Variants in PIK3C2B observed in about 807,000 individuals in gnomAD.
PIK3C2B encodes phosphatidylinositol-4-phosphate 3-kinase catalytic subunit type 2 beta.
A neutral mutation model predicts 184.3 loss-of-function variants in PIK3C2B; 83 were observed. The ratio of observed to expected loss-of-function variants is 0.45; its 90% CI spans 0.38 to 0.54. The LOEUF (loss-of-function observed/expected upper bound fraction) is 0.54, where lower values mean the gene tolerates loss of function less well. Among genes scored for constraint, PIK3C2B ranks in the 20% least tolerant of loss-of-function variants. The pLI, the probability that PIK3C2B is intolerant of heterozygous loss-of-function variation, is 0.00. For missense variants in PIK3C2B, 1,736 were observed against 2,113.5 expected, an observed-to-expected ratio of 0.82 and a Z score of 3.50; for synonymous variants, 779 against 837.6, an observed-to-expected ratio of 0.93 and a Z score of 1.21.
chr1:204,464,771 G>A (rs778613732), intron 3 of PIK3C2B, among the ~76,000 whole-genome samples, 167 bp from the exon 4 acceptor site: 61 of 152,298 alleles, frequency 4.0e-4, no homozygotes, highest in Non-Finnish European at 5.7e-4. Context: ...GCAGCTCTGA[G>A]AAACCCCCTT....
intron 4 of PIK3C2B, 127 bp downstream of exon 4, chr1:204,464,323 C>T (rs919536238): frequency 7.1e-6 from 8 of 1,130,224 alleles, no homozygotes; most frequent in Middle Eastern, 3.0e-4. Context: ...CAGCCCCTCA[C>T]CCCCAAAGGA....
chr1:204,468,949 G>A lies in PIK3C2B; in HGVS notation c.854C>T (p.Pro285Leu). Residue 285 changes from proline to leucine, a missense_variant, in exon 2 of 33, where the codon CCC becomes CTC. Pro to Leu is a moderately conservative substitution (Grantham distance 98, BLOSUM62 -3). Coordinates refer to ENST00000684373, the MANE Select transcript of PIK3C2B (RefSeq NM_001377334.1). ...ARSKTMPPQV[P>L]PRTYASRYGN... ...ATAGCGGGAGGCATAGGTGCGGGGG[G>A]GCACCTGAGGGGGCATAGTCTTGCT... 1 of 1,614,008 alleles carries A rather than the reference G, an allele frequency of 6.2e-7. No homozygotes were observed. The highest frequency in any genetic ancestry group is 8.5e-7 in the Non-Finnish European group (1 of 1,179,902).
chr1:204,469,433 A>G lies in PIK3C2B; in HGVS notation c.370T>C (p.Ser124Pro), dbSNP rs1656110913. 6.4e-7 allele frequency: 1 copy of G among 1,568,358 alleles called. No individual in the cohort carries two copies. Among genetic ancestry groups the G allele is most frequent in the African/African-American group, 1.4e-5 (1 of 73,576 alleles). ...GSDPWPKGSL[S>P]GDYLYIFDGS... ...TCAAAAATGTAGAGATAGTCTCCAG[A>G]CAGGGAGCCTTTGGGCCAGGGATCT... Residue 124 changes from serine to proline, a missense_variant, in exon 2 of 33, where the codon TCT becomes CCT. Around this residue, in one of 8 missense-constraint regions of PIK3C2B, gnomAD observed 404 missense variants for 418.0 expected, o/e 0.97. Coordinates refer to ENST00000684373, the MANE Select transcript of PIK3C2B (RefSeq NM_001377334.1).
At chr1:204,493,054 C>G (rs933549449) in intron 1 of PIK3C2B, among the ~76,000 whole-genome samples, 2 of 152,190 alleles carry the variant, frequency 1.3e-5, no homozygotes, top group African/African-American at 4.8e-5. Context: ...TGCCTGTCTG[C>G]TCTGGGATCG....
chr1:204,434,326 G>A lies in PIK3C2B; in HGVS notation c.3686+113C>T, dbSNP rs895971137. On this transcript the variant is annotated intron_variant, in intron 24 of 32. Transcript: ENST00000684373. ...CTCCTCCAATGCTGCTCAGCCCTGGGACCATGATCTGAGGCCCAGCTGCTT... is the reference window on the plus strand; with the variant it reads ...CTCCTCCAATGCTGCTCAGCCCTGGAACCATGATCTGAGGCCCAGCTGCTT... 11 of 923,612 alleles carry A rather than the reference G, an allele frequency of 1.2e-5. No homozygotes were observed. The Admixed American group carries it at 2.4e-4, about 20-fold the overall frequency. 57.2% of individuals were successfully genotyped at this position (923,612 alleles called of 1,614,324 possible).
intron 8 of PIK3C2B, 139 bp downstream of exon 8, chr1:204,459,739 G>C: frequency 2.8e-6 from 2 of 708,888 alleles, no homozygotes; most frequent in African/African-American, 3.5e-5. Flanking sequence ...ATGAGCGAGG[G>C]GTTAAAAAGA....
intron 14 of PIK3C2B, among the ~76,000 whole-genome samples, chr1:204,448,200 G>C (rs1458343735): frequency 6.6e-6 from 1 of 151,324 alleles, no homozygotes; most frequent in Non-Finnish European, 1.5e-5. Context: ...TGCAACCTCT[G>C]CCTCCCCGGT....
chr1:204,440,220 G>A lies in PIK3C2B; in HGVS notation c.3351C>T (p.Phe1117=), dbSNP rs1675575848. Residue 1117 remains phenylalanine (F), a synonymous_variant, in exon 22 of 33, where the codon TTC becomes TTT. Coordinates refer to ENST00000684373, the MANE Select transcript of PIK3C2B (RefSeq NM_001377334.1). ...QEGLDMRMVI[F]RCFSTGRGRG... ...TGCCCCGGCCGGTGGAGAAGCAGCG[G>A]AAGATGACCATGCGCATGTCCAGCC... 1 of 1,612,454 alleles carries A rather than the reference G, an allele frequency of 6.2e-7. No homozygotes were observed. Among genetic ancestry groups the A allele is most frequent in the South Asian group, 1.1e-5 (1 of 91,066 alleles).
At chr1:204,461,308 A>C (rs1655318270) in intron 5 of PIK3C2B, among the ~76,000 whole-genome samples, 1 of 152,216 alleles carries the variant, frequency 6.6e-6, no homozygotes, top group Admixed American at 6.5e-5. Context: ...TCAAGCACCC[A>C]TGTGTGAGAC....
Position 204,445,649 on chromosome 1 carries a change from TACAGTGATGGATAAATG to T in PIK3C2B, c.2678+290_2678+306del, listed in dbSNP as rs1455415714. Among the ~76,000 whole-genome samples, 12 of 144,254 alleles carry T rather than the reference TACAGTGATGGATAAATG, an allele frequency of 8.3e-5. No individual in the cohort carries two copies. In the East Asian group the frequency reaches 3.1e-3, roughly 37 times the overall value. 94.6% of individuals were successfully genotyped at this position (144,254 alleles called of 152,430 possible). ...AAAATAAGATGGATAGATGGATGGA[TACAGTGATGGATAAATG>T]AAATGTACACAATCCAGCACACAGA... On this transcript the variant is annotated intron_variant, in intron 16 of 32. Transcript: ENST00000684373.
intron 14 of PIK3C2B, 54 bp downstream of exon 14, chr1:204,449,131 G>A (rs1423538979): frequency 1.2e-5 from 15 of 1,233,836 alleles, no homozygotes; most frequent in Non-Finnish European, 1.8e-5. Context: ...GAAAAATGTA[G>A]AGTTGACTGG....
intron 5 of PIK3C2B, among the ~76,000 whole-genome samples, chr1:204,461,238 T>A (rs919206345): frequency 6.6e-6 from 1 of 152,236 alleles, no homozygotes; most frequent in Non-Finnish European, 1.5e-5. Context: ...TGCTTGTGAA[T>A]AACCTTACAA....
In PIK3C2B at chr1:204,431,577, T is replaced by G; in HGVS notation, c.4280+92A>C. On this transcript the variant is annotated intron_variant, in intron 28 of 32. Coordinates refer to ENST00000684373, the MANE Select transcript of PIK3C2B (RefSeq NM_001377334.1). ...GGCAGATGTTTAGTCCAAAAGGGTATTTTCTGCCCCTGCAGCCCTGACCAC... is the reference window on the plus strand; with the variant it reads ...GGCAGATGTTTAGTCCAAAAGGGTAGTTTCTGCCCCTGCAGCCCTGACCAC... 6 of 1,504,566 alleles carry G rather than the reference T, an allele frequency of 4.0e-6. No homozygotes were observed. The South Asian group carries it at 6.8e-5, about 17-fold the overall frequency. The allele number at this position is 1,504,566 out of a possible 1,614,324, so 93.2% of individuals were successfully genotyped here.
chr1:204,452,518 T>C (rs1490920630), intron 12 of PIK3C2B, among the ~76,000 whole-genome samples: 1 of 150,948 alleles, frequency 6.6e-6, no homozygotes, highest in African/African-American at 2.4e-5. Flanking sequence ...ACAGCAGCAG[T>C]AATTGTGACC....
intron 1 of PIK3C2B, among the ~76,000 whole-genome samples, chr1:204,479,635 T>C (rs1656974932): frequency 6.6e-6 from 1 of 152,250 alleles, no homozygotes; most frequent in Non-Finnish European, 1.5e-5. Flanking sequence ...ACAGTAGCTC[T>C]CTTTAGGCCT....
At chr1:204,451,245 C>A (rs1344975111) in intron 12 of PIK3C2B, among the ~76,000 whole-genome samples, 1 of 152,252 alleles carries the variant, frequency 6.6e-6, no homozygotes, top group Non-Finnish European at 1.5e-5. Flanking sequence ...AGAGAATCAG[C>A]TGACCCCATA....
In PIK3C2B at chr1:204,443,494, T is replaced by C; in HGVS notation, c.2971A>G (p.Asn991Asp). The C allele has an allele frequency of 1.2e-6, 2 of 1,614,218 alleles. No homozygotes were observed. The highest frequency in any genetic ancestry group is 1.7e-6 in the Non-Finnish European group (2 of 1,180,034). ...CCGKGLREEF[N>D]RQCWLVNALA... is the part of the protein sequence containing the mutation. ...GCATTGACAAGCCAGCACTGGCGGT[T>C]AAACTCTTCTCTCAGCCCCTTGCCA... The change falls in exon 19 of 33, where the codon AAC becomes GAC. Residue 991 changes from asparagine (N) to aspartate (D), a missense_variant. Asn to Asp is a conservative substitution (Grantham distance 23). Transcript: ENST00000684373.
At chr1:204,481,806 G>A (rs1390054023) in intron 1 of PIK3C2B, among the ~76,000 whole-genome samples, 5 of 152,254 alleles carry the variant, frequency 3.3e-5, no homozygotes, top group Middle Eastern at 3.4e-3. Context: ...CAGGGTGGCC[G>A]GTCATTCCCT....
chr1:204,443,996 C>T lies in PIK3C2B; in HGVS notation c.2867+72G>A, dbSNP rs374417655. 41 of 1,062,810 alleles carry T rather than the reference C, an allele frequency of 3.9e-5. No individual in the cohort carries two copies. The South Asian group carries it at 4.2e-4, about 11-fold the overall frequency. 65.8% of individuals were successfully genotyped at this position (1,062,810 alleles called of 1,614,324 possible). ...CGGACAACTCAGTTCCTTGCCCTTG[C>T]GTGCCTAAGAGTGAAATACTCCTAC... On this transcript the variant is annotated intron_variant, in intron 18 of 32. Coordinates refer to ENST00000684373, the MANE Select transcript of PIK3C2B (RefSeq NM_001377334.1).
Sources: allele counts gnomAD v4.1 joint callset (sites outside exome capture counted in the v4.1 genomes callset), GRCh38; gene constraint gnomAD v4.1.1; regional missense constraint gnomAD v4.1.1; transcripts MANE v1.5; gene names NCBI Gene and HGNC (gene_info 2026-07-23, HGNC 2026-07-21).